The following SLC1A2 variants were observed in gnomAD, a reference collection of about 807,000 sequenced individuals.
SLC1A2 encodes excitatory amino acid transporter 2.
A neutral mutation model predicts 48.8 loss-of-function variants in SLC1A2; 15 were observed. The ratio of observed to expected loss-of-function variants is 0.31; its 90% CI spans 0.21 to 0.47. The LOEUF (loss-of-function observed/expected upper bound fraction) is 0.47, where lower values mean the gene tolerates loss of function less well. Among genes scored for constraint, SLC1A2 ranks in the 20% least tolerant of loss-of-function variants. The pLI is 0.99. For synonymous variants in SLC1A2, 279 were observed against 272.6 expected, an observed-to-expected ratio of 1.02 and a Z score of -0.23; for missense variants, 502 against 730.5, an observed-to-expected ratio of 0.69 and a Z score of 3.61.
At chr11:35,293,208 G>T (rs1422521081) in intron 6 of SLC1A2, among the ~76,000 whole-genome samples, 1 of 152,074 alleles carries the variant, frequency 6.6e-6, no homozygotes. Context: ...TGTCATTATT[G>T]CAACGTGGCA....
intron 9 of SLC1A2, among the ~76,000 whole-genome samples, chr11:35,274,953 C>G (rs76850416): frequency 6.6e-6 from 1 of 152,090 alleles, no homozygotes; most frequent in African/African-American, 2.4e-5. Context: ...GCTCATATAC[C>G]CACAATCAGA....
chr11:35,290,517 CAG>C (rs1850965576), intron 7 of SLC1A2, among the ~76,000 whole-genome samples: 1 of 151,940 alleles, frequency 6.6e-6, no homozygotes, highest in Non-Finnish European at 1.5e-5. Flanking sequence ...AGGTTATGAC[CAG>C]TTATCACTGG....
intron 4 of SLC1A2, among the ~76,000 whole-genome samples, chr11:35,309,216 C>T (rs1851611189): frequency 6.6e-6 from 1 of 152,038 alleles, no homozygotes; most frequent in African/African-American, 2.4e-5. Context: ...TCTGTGTTTC[C>T]CTGATGTTTG....
intron 1 of SLC1A2, among the ~76,000 whole-genome samples, chr11:35,340,554 T>C (rs1244366862): frequency 1.3e-5 from 2 of 152,224 alleles, no homozygotes; most frequent in African/African-American, 4.8e-5. Flanking sequence ...CCTTTCTAGC[T>C]GTATGATCCT....
intron 1 of SLC1A2, among the ~76,000 whole-genome samples, chr11:35,361,887 G>A (rs1172133599): frequency 1.3e-5 from 2 of 152,116 alleles, no homozygotes; most frequent in Admixed American, 6.6e-5. Flanking sequence ...TGAAGTAGAG[G>A]ATCACTTGAG....
At chr11:35,280,044 C>T (rs1850573726) in intron 9 of SLC1A2, among the ~76,000 whole-genome samples, 1 of 152,214 alleles carries the variant, frequency 6.6e-6, no homozygotes, top group Non-Finnish European at 1.5e-5. Context: ...CAAATGTAGA[C>T]ACCTGTGCAT....
intron 1 of SLC1A2, among the ~76,000 whole-genome samples, chr11:35,357,916 G>A (rs1160788097): frequency 6.6e-6 from 1 of 152,188 alleles, no homozygotes. Context: ...GGAGGCCAAG[G>A]TGTGCAGATC....
At chr11:35,301,949 T>C (rs761133667) in intron 5 of SLC1A2, among the ~76,000 whole-genome samples, 1 of 152,230 alleles carries the variant, frequency 6.6e-6, no homozygotes, top group Non-Finnish European at 1.5e-5. Context: ...CCCTCACTTA[T>C]GAAATCATGT....
intron 1 of SLC1A2, among the ~76,000 whole-genome samples, chr11:35,353,399 T>A (rs1335363577): frequency 7.5e-6 from 1 of 133,286 alleles, no homozygotes; most frequent in East Asian, 2.3e-4. Flanking sequence ...TCCAGGAAGC[T>A]TCCCTGACCT....
chr11:35,263,691 G>A (rs1950432869), intron 10 of SLC1A2, among the ~76,000 whole-genome samples: 1 of 151,998 alleles, frequency 6.6e-6, no homozygotes, highest in African/African-American at 2.4e-5. Context: ...AAAAAATTGT[G>A]ATTTTTTTGT....
At chr11:35,277,489 T>C (rs189762846) in intron 9 of SLC1A2, among the ~76,000 whole-genome samples, 57 of 152,292 alleles carry the variant, frequency 3.7e-4, no homozygotes, top group African/African-American at 1.3e-3. Flanking sequence ...TTTTCCTCAC[T>C]CCTGATCATA....
intron 10 of SLC1A2, chr11:35,261,822 A>G (rs1390898686): frequency 2.8e-5 from 11 of 398,002 alleles, no homozygotes; most frequent in Non-Finnish European, 4.0e-5. Flanking sequence ...TTCTTACCCA[A>G]GTGGAAGTGA....
chr11:35,279,464 AC>A (rs1850550710), intron 9 of SLC1A2, among the ~76,000 whole-genome samples: 1 of 152,086 alleles, frequency 6.6e-6, no homozygotes, highest in African/African-American at 2.4e-5. Flanking sequence ...ACCTTTCACC[AC>A]GCCCTGCCTC....
chr11:35,390,230 C>T (rs775754564), intron 1 of SLC1A2, among the ~76,000 whole-genome samples: 1 of 152,152 alleles, frequency 6.6e-6, no homozygotes, highest in Non-Finnish European at 1.5e-5. Flanking sequence ...GTGCAATCTA[C>T]AGTAAGAAAT....
intron 1 of SLC1A2, among the ~76,000 whole-genome samples, chr11:35,342,787 C>CA: frequency 1.1e-5 from 1 of 92,972 alleles, no homozygotes; most frequent in Non-Finnish European, 2.2e-5. Context: ...GACCTTGTCT[C>CA]AAAAAAATAA....
intron 1 of SLC1A2, among the ~76,000 whole-genome samples, chr11:35,389,206 C>A (rs1370506416): frequency 5.9e-5 from 9 of 151,962 alleles, no homozygotes; most frequent in Non-Finnish European, 1.3e-4. Context: ...TAAAGCAATA[C>A]CTCTTTAACT....
rs1169274712 is a variant in SLC1A2, at chr11:35,292,435, T to C, written c.943A>G (p.Met315Val). Residue 315 changes from methionine to valine, a missense_variant, in exon 7 of 11, where the codon ATG becomes GTG. Physicochemically the swap from Met to Val is conservative, Grantham distance 21. Transcript: ENST00000278379. ...CCTATGATCACTGTTACCATGTACA[T>C]CCCCAGTTGCCTAGCAACCACTTCT... ...DLEVVARQLG[M>V]YMVTVIIGLI... is the part of the protein sequence containing the mutation. The C allele has an allele frequency of 6.2e-7, 1 of 1,613,844 alleles. No individual in the cohort carries two copies. The highest frequency in any genetic ancestry group is 8.5e-7 in the Non-Finnish European group (1 of 1,179,820).
Position 35,255,601 on chromosome 11 carries a change from G to A in SLC1A2, c.*5293C>T, listed in dbSNP as rs1950304497. 2 of 152,180 alleles carry A rather than the reference G, an allele frequency of 1.3e-5. No homozygotes were observed. The highest frequency in any genetic ancestry group is 2.4e-5 in the African/African-American group (1 of 41,444). The allele number at this position is 152,180 out of a possible 1,614,324, so 9.4% of individuals were successfully genotyped here. ...CAAAGGCTCTCAAATTCCCATACTG[G>A]GTGGGCAATTAGAATTGTTGGAGAA... On this transcript the variant is annotated 3_prime_UTR_variant, in exon 11 of 11. Coordinates refer to ENST00000278379, the MANE Select transcript of SLC1A2 (RefSeq NM_004171.4).
chr11:35,282,638 A>G (rs1226968643), intron 8 of SLC1A2, among the ~76,000 whole-genome samples: 1 of 152,206 alleles, frequency 6.6e-6, no homozygotes, highest in Admixed American at 6.5e-5. Context: ...CTGTTTCCCA[A>G]ACAGACAGAA....
Sources: allele counts gnomAD v4.1 joint callset (sites outside exome capture counted in the v4.1 genomes callset), GRCh38; gene constraint gnomAD v4.1.1; transcripts MANE v1.5; gene names NCBI Gene and HGNC (gene_info 2026-07-23, HGNC 2026-07-21).